The following OCA2 variants were observed in gnomAD, a reference collection of about 807,000 sequenced individuals.
The protein encoded by OCA2 is P protein.
Under a neutral mutation model 100.2 loss-of-function variants are expected in OCA2, and 77 were observed. The observed-to-expected ratio is 0.77, with a 90% CI of 0.64 to 0.93. OCA2 has a LOEUF of 0.93. OCA2 is among the 40% of genes least tolerant of loss of function. OCA2 has a pLI of 0.00. For missense variants in OCA2, 1,062 were observed against 1,089.1 expected (o/e 0.98, Z 0.35); for synonymous variants, 432 against 439.2 (o/e 0.98, Z 0.21).
the OCA2 span, among the ~76,000 whole-genome samples, chr15:27,747,005 G>T: frequency 1.2e-4 from 18 of 152,264 alleles, no homozygotes; most frequent in East Asian, 3.3e-3. Context: ...TAAATGACTT[G>T]ACTCCATTTT....
chr15:28,018,303 T>C (rs575625626), intron 7 of OCA2, 94 bp downstream of exon 7: 1 of 1,218,566 alleles, frequency 8.2e-7, no homozygotes, highest in Non-Finnish European at 1.2e-6. Context: ...TCCTCGCCTG[T>C]GGCTCCCCAT....
chr15:27,814,096 A>G (rs2034184586), intron 23 of OCA2, among the ~76,000 whole-genome samples: 2 of 152,230 alleles, frequency 1.3e-5, no homozygotes, highest in South Asian at 4.1e-4. Context: ...CATACAATCA[A>G]TCAATGTTAA....
At chr15:27,733,385 C>T in the OCA2 span, among the ~76,000 whole-genome samples, 52 of 152,300 alleles carry the variant, frequency 3.4e-4, no homozygotes, top group Non-Finnish European at 6.6e-4. Context: ...GTCTCCAGCC[C>T]GCCCACACTG....
At chr15:28,037,233 GTGGGACCAAAAT>G (rs2043071624) in intron 2 of OCA2, among the ~76,000 whole-genome samples, 1 of 151,728 alleles carries the variant, frequency 6.6e-6, no homozygotes, top group African/African-American at 2.4e-5. Context: ...CAGACTGGGA[GTGGGACCAAAAT>G]AAATCAAGCA....
chr15:27,728,127 A>G, the OCA2 span, among the ~76,000 whole-genome samples: 6 of 152,176 alleles, frequency 3.9e-5, no homozygotes, highest in East Asian at 1.2e-3. Context: ...CCAAAATATC[A>G]TCTAAATCAG....
At chr15:27,754,383 G>A (rs1045378805), downstream of OCA2, among the ~76,000 whole-genome samples, 6 of 152,178 alleles carry the variant, frequency 3.9e-5, no homozygotes, top group African/African-American at 1.2e-4. Context: ...GAAGTCAGAC[G>A]CTTGACACAC....
intron 19 of OCA2, chr15:27,895,928 C>T (rs906004506): frequency 6.0e-5 from 39 of 646,066 alleles, no homozygotes; most frequent in African/African-American, 4.6e-4. Context: ...TATGATAGTA[C>T]GCACAGCATA....
intron 23 of OCA2, among the ~76,000 whole-genome samples, chr15:27,758,448 T>C (rs577691530): frequency 6.6e-6 from 1 of 152,302 alleles, no homozygotes; most frequent in East Asian, 1.9e-4. Context: ...AGAGACCACG[T>C]GGGGATCCCA....
intron 2 of OCA2, among the ~76,000 whole-genome samples, chr15:28,070,604 C>T (rs1266332532): frequency 3.5e-4 from 51 of 147,134 alleles, no homozygotes; most frequent in African/African-American, 1.1e-3. Flanking sequence ...TCTGCCCGGC[C>T]GCCCCTACTG....
At chr15:27,794,054 T>G (rs889991602) in intron 23 of OCA2, among the ~76,000 whole-genome samples, 2 of 152,194 alleles carry the variant, frequency 1.3e-5, no homozygotes, top group African/African-American at 4.8e-5. Context: ...AGAAGATCTT[T>G]TCTTAGTAAG....
intron 2 of OCA2, among the ~76,000 whole-genome samples, chr15:28,067,950 T>C (rs1278504552): frequency 1.3e-5 from 2 of 152,196 alleles, no homozygotes; most frequent in Non-Finnish European, 2.9e-5. Context: ...CTCCCACTAT[T>C]ATTGTGTGGT....
intron 2 of OCA2, among the ~76,000 whole-genome samples, chr15:28,044,703 A>G (rs1419313893): frequency 6.6e-6 from 1 of 152,164 alleles, no homozygotes; most frequent in Non-Finnish European, 1.5e-5. Flanking sequence ...TACTAAGTCC[A>G]TATGCACTGT....
rs1298872216 is a variant in OCA2, at chr15:27,951,826, A to G, written c.1909T>C (p.Phe637Leu). The G allele has an allele frequency of 6.2e-7, 1 of 1,614,008 alleles. No homozygotes were observed. The highest frequency in any genetic ancestry group is 1.7e-5 in the Admixed American group (1 of 60,028). The change falls in exon 18 of 24, where the codon TTT (phenylalanine) becomes CTT (leucine). Residue 637 changes from phenylalanine to leucine, a missense_variant. Phe to Leu is a conservative substitution (Grantham distance 22). Coordinates refer to ENST00000354638, the MANE Select transcript of OCA2 (RefSeq NM_000275.3). ...CCAGGGACAAACGAATTGAGGAAAA[A>G]CATGAAGATAACAAATCCCAACACT... ...LTVLGFVIFM[F>L]FLNSFVPGIH... is the part of the protein sequence containing the mutation.
chr15:28,077,950 A>C (rs1281605086), intron 2 of OCA2, among the ~76,000 whole-genome samples: 1 of 152,118 alleles, frequency 6.6e-6, no homozygotes, highest in East Asian at 1.9e-4. Context: ...TGTGGTGGCG[A>C]GTGCCTGTAG....
chr15:27,893,082 A>C (rs1306597888), intron 19 of OCA2, among the ~76,000 whole-genome samples: 1 of 152,230 alleles, frequency 6.6e-6, no homozygotes, highest in African/African-American at 2.4e-5. Context: ...CCTTTTAAAA[A>C]AAGATTCCAG....
At chr15:27,933,472 G>A (rs530399031) in intron 18 of OCA2, among the ~76,000 whole-genome samples, 11 of 152,308 alleles carry the variant, frequency 7.2e-5, no homozygotes, top group East Asian at 3.9e-4. Context: ...ATTGTCACGC[G>A]TGTCCGTATG....
intron 23 of OCA2, among the ~76,000 whole-genome samples, chr15:27,770,650 T>C (rs1488549312): frequency 6.6e-6 from 1 of 151,694 alleles, no homozygotes; most frequent in Non-Finnish European, 1.5e-5. Flanking sequence ...GCCGCTCCCG[T>C]GGCCTCTGAA....
intron 19 of OCA2, chr15:27,896,578 G>T: frequency 3.3e-6 from 1 of 303,148 alleles, no homozygotes; most frequent in Non-Finnish European, 6.3e-6. Context: ...GCTTCTGAGA[G>T]CTAAACCAAA....
intron 21 of OCA2, among the ~76,000 whole-genome samples, chr15:27,861,703 G>A (rs938480216): frequency 2.0e-5 from 3 of 152,156 alleles, no homozygotes; most frequent in Admixed American, 1.3e-4. Context: ...CTATGTCCAT[G>A]GATTATGGAA....
Sources: allele counts gnomAD v4.1 joint callset (sites outside exome capture counted in the v4.1 genomes callset), GRCh38; gene constraint gnomAD v4.1.1; transcripts MANE v1.5; gene names NCBI Gene and HGNC (gene_info 2026-07-23, HGNC 2026-07-21).